The following ASB9 variants were observed in gnomAD, a reference collection of about 807,000 sequenced individuals.
ASB9 encodes the protein ankyrin repeat and SOCS box protein 9.
Under a neutral mutation model 16.6 loss-of-function variants are expected in ASB9, and 5 were observed. The ratio of observed to expected loss-of-function variants is 0.30; its 90% CI spans 0.16 to 0.63. ASB9 has a LOEUF of 0.63. Ranked by LOEUF, ASB9 falls within the 30% of genes least tolerant of loss-of-function variation. The pLI is 0.82. For missense variants in ASB9, 216 were observed against 229.4 expected, an observed-to-expected ratio of 0.94 and a Z score of 0.38; for synonymous variants, 100 against 86.4, an observed-to-expected ratio of 1.16 and a Z score of -0.87.
chrX:15,248,820 C>A lies in ASB9; in HGVS notation c.684G>T (p.Lys228Asn). The change falls in exon 6 of 7, where the codon AAG becomes AAT. Residue 228 changes from lysine to asparagine, a missense_variant. By Grantham distance (94) the Lys-to-Asn change is moderately conservative. Transcript: ENST00000380488. ...CCACAGGACGTTTGCCTTCAGCATT[C>A]TTGGCCTGGGTGTCCGCTCCAAAAT... ...LMDFGADTQA[K>N]NAEGKRPVEL... 8.3e-7 allele frequency: 1 copy of A among 1,211,999 alleles called. No homozygotes were observed. The highest frequency in any genetic ancestry group is 3.0e-5 in the East Asian group (1 of 33,854).
At chrX:15,246,836 C>T (rs1473537930) in intron 6 of ASB9, among the ~76,000 whole-genome samples, 2 of 111,330 alleles carry the variant, frequency 1.8e-5, no homozygotes, top group Non-Finnish European at 3.8e-5. Flanking sequence ...ATGGGGGCTG[C>T]GGTCATGTTG....
At chrX:15,253,151 T>C (rs1183907160) in intron 3 of ASB9, among the ~76,000 whole-genome samples, 1 of 110,837 alleles carries the variant, frequency 9.0e-6, no homozygotes, top group Non-Finnish European at 1.9e-5. Context: ...GGAGAATTAC[T>C]TGAACCCGGG....
chrX:15,249,027 A>G, intron 5 of ASB9, 92 bp from the exon 6 acceptor site: 6 of 899,069 alleles, frequency 6.7e-6, no homozygotes, highest in Non-Finnish European at 9.0e-6. Flanking sequence ...ATTTCCTAAC[A>G]AGAGGGGATC....
intron 2 of ASB9, 95 bp downstream of exon 2, chrX:15,258,771 T>C: frequency 1.5e-6 from 1 of 660,809 alleles, no homozygotes. Flanking sequence ...GTCTTCTATT[T>C]AATGAATTAA....
chrX:15,263,748 T>A (rs1014549401), intron 1 of ASB9, among the ~76,000 whole-genome samples: 6 of 111,571 alleles, frequency 5.4e-5, no homozygotes, highest in African/African-American at 2.0e-4. Context: ...TAAAATTGTT[T>A]TCTTTCAATA....
In ASB9 at chrX:15,267,472, T is replaced by C. The variant is rs764759115; in HGVS notation, c.94+2309A>G. On this transcript the variant is annotated intron_variant, in intron 1 of 6. Coordinates refer to ENST00000380488, the MANE Select transcript of ASB9 (RefSeq NM_001031739.3). ...ATTCCTTGTAAAAAGTGGCCGGGCG[T>C]GGTGGCTCACGCCTGTAATCCCAGC... Among the ~76,000 whole-genome samples, 609 of 87,066 alleles carry C rather than the reference T, an allele frequency of 7.0e-3. 4 individuals are homozygous for C. Among genetic ancestry groups the C allele is most frequent in the African/African-American group, 0.023 (551 of 23,706 alleles). 75.6% of individuals were successfully genotyped at this position (87,066 alleles called of 115,157 possible).
chrX:15,268,056 G>C (rs754814236), intron 1 of ASB9, among the ~76,000 whole-genome samples: 1 of 111,717 alleles, frequency 9.0e-6, no homozygotes, highest in Non-Finnish European at 1.9e-5. Context: ...TGACGGCCGG[G>C]CGTGGTGGCT....
chrX:15,253,488 T>C (rs921617637), intron 3 of ASB9, among the ~76,000 whole-genome samples: 3 of 109,314 alleles, frequency 2.7e-5, no homozygotes, highest in African/African-American at 1.0e-4. Flanking sequence ...TAATCCCAGC[T>C]ACTCAGGAGG....
chrX:15,245,005 G>C (rs1409739262), intron 6 of ASB9, among the ~76,000 whole-genome samples: 1 of 111,943 alleles, frequency 8.9e-6, no homozygotes, highest in South Asian at 3.7e-4. Context: ...CATATTTCTA[G>C]ATGCAAACAT....
intron 1 of ASB9, among the ~76,000 whole-genome samples, chrX:15,261,658 T>C (rs867366071): frequency 9.2e-6 from 1 of 108,216 alleles, no homozygotes; most frequent in Non-Finnish European, 1.9e-5. Flanking sequence ...TTTGCACCTC[T>C]GCAGAATGTA....
At position 15,252,313 on chromosome X, in the gene ASB9, C is replaced by T. The variant is rs766734495; in HGVS notation, c.374G>A (p.Gly125Glu). The T allele has an allele frequency of 1.0e-4, 121 of 1,209,916 alleles. 1 individual carries two copies. The South Asian group carries it at 2.1e-3, about 21-fold the overall frequency. Residue 125 changes from glycine to glutamate, a missense_variant, in exon 4 of 7, where the codon GGA (glycine) becomes GAA (glutamate). Transcript: ENST00000380488. ...ATCACTCTCAGGTTGAACGCTGGCT[C>T]CGTGCTGCAGAAGCAAATTCACACA... Reference protein sequence around the residue: ...WDCVNLLLQHGASVQPESDLA... With the variant: ...WDCVNLLLQHEASVQPESDLA...
At chrX:15,258,088 C>T (rs890268262) in intron 2 of ASB9, among the ~76,000 whole-genome samples, 5 of 111,849 alleles carry the variant, frequency 4.5e-5, no homozygotes, top group Admixed American at 2.8e-4. Flanking sequence ...TATCATGTCA[C>T]TGAGTTTTGG....
intron 1 of ASB9, among the ~76,000 whole-genome samples, chrX:15,267,357 G>C (rs1294713016): frequency 2.7e-5 from 3 of 111,668 alleles, no homozygotes; most frequent in Non-Finnish European, 5.7e-5. Context: ...GTTGCAGTGA[G>C]CCGAGATGGT....
At chrX:15,245,223 C>G (rs567905972) in intron 6 of ASB9, among the ~76,000 whole-genome samples, 1 of 111,461 alleles carries the variant, frequency 9.0e-6, no homozygotes, top group Non-Finnish European at 1.9e-5. Flanking sequence ...TGGTTCACAA[C>G]TGGGAGGAGG....
intron 2 of ASB9, among the ~76,000 whole-genome samples, chrX:15,256,501 G>C (rs1462492813): frequency 9.3e-6 from 1 of 107,122 alleles, no homozygotes; most frequent in Non-Finnish European, 1.9e-5. Context: ...CTCTTGGCCG[G>C]GTGCAGTGGC....
At chrX:15,265,053 T>C (rs1161917362) in intron 1 of ASB9, among the ~76,000 whole-genome samples, 1 of 112,402 alleles carries the variant, frequency 8.9e-6, no homozygotes, top group Non-Finnish European at 1.9e-5. Flanking sequence ...TCCAACTTAC[T>C]GGTCCTACTT....
chrX:15,269,833 C>T lies in ASB9; in HGVS notation c.42G>A (p.Ala14=), dbSNP rs759885330. ...TGATGCCAGGAAAGTCCCTTGGCCC[C>T]GCGGGCTTGCTCCCATCCATGCCCC... ...KQGGMDGSKP[A]GPRDFPGIRL... The change falls in exon 1 of 7, where the codon GCG becomes GCA. Residue 14 remains alanine, a synonymous_variant. Coordinates refer to ENST00000380488, the MANE Select transcript of ASB9 (RefSeq NM_001031739.3). The T allele has an allele frequency of 3.2e-5, 38 of 1,205,892 alleles. No individual in the cohort carries two copies. Among genetic ancestry groups the T allele is most frequent in the Middle Eastern group, 4.6e-4 (2 of 4,361 alleles).
At chrX:15,253,849 C>A (rs6527396) in intron 3 of ASB9, among the ~76,000 whole-genome samples, 21,311 of 110,795 alleles carry the variant, frequency 0.19, 2,346 homozygotes, top group African/African-American at 0.41. Context: ...CAACGAATTC[C>A]TTCTCAAACT....
chrX:15,245,239 G>T (rs930104493), intron 6 of ASB9, among the ~76,000 whole-genome samples: 10 of 111,331 alleles, frequency 9.0e-5, no homozygotes, highest in African/African-American at 3.3e-4. Flanking sequence ...GGAGGCTCAG[G>T]GAAGGAAAGG....
Sources: allele counts gnomAD v4.1 joint callset (sites outside exome capture counted in the v4.1 genomes callset), GRCh38; gene constraint gnomAD v4.1.1; transcripts MANE v1.5; gene names NCBI Gene and HGNC (gene_info 2026-07-23, HGNC 2026-07-21).